Variants in FMN1 observed in about 807,000 individuals in gnomAD.
FMN1 encodes the protein formin-1.
FMN1 carries 110 observed loss-of-function variants against 132.4 expected under a neutral mutation model. That is an observed-to-expected ratio of 0.83 (90% CI 0.71 to 0.97). The LOEUF is 0.97. Ranked by LOEUF, FMN1 falls within the 50% of genes least tolerant of loss-of-function variation. The pLI is 0.00. For missense variants in FMN1, 1,792 were observed against 1,705.3 expected (o/e 1.05, Z -0.90); for synonymous variants, 722 against 651.7 (o/e 1.11, Z -1.64).
At chr15:32,810,380 A>C (rs1345553701) in intron 17 of FMN1, among the ~76,000 whole-genome samples, 1 of 152,216 alleles carries the variant, frequency 6.6e-6, no homozygotes, top group Non-Finnish European at 1.5e-5. Flanking sequence ...CTGAAAAGCA[A>C]GAGATTACTA....
At position 32,971,902 on chromosome 15, in the gene FMN1, G is replaced by A. The variant is rs77603737; in HGVS notation, c.2224-2425C>T. On this transcript the variant is annotated intron_variant, in intron 7 of 20. Coordinates refer to ENST00000616417, the MANE Select transcript of FMN1 (RefSeq NM_001277313.2). The stretch of plus-strand genomic sequence containing the variant: ...CTCTTCTTTCTACCACTCTGTCAAC[G>A]ATCTTCTAAATCTGTTGAAGCTGAC... Among the ~76,000 whole-genome samples the A allele has an allele frequency of 7.4e-3, 1,132 of 152,170 alleles. 11 individuals are homozygous for A. The highest frequency in any genetic ancestry group is 0.026 in the African/African-American group (1,069 of 41,512).
rs1162919845 is a variant in FMN1, at chr15:32,773,928, CA to C, written c.*381del. ...TGAACTCTCCCAAGGCAACTGTCCT[CA>C]ATGATCTTTTCTCTCTTCTGTGACA... On this transcript the variant is annotated 3_prime_UTR_variant, in exon 21 of 21. Coordinates refer to ENST00000616417, the MANE Select transcript of FMN1 (RefSeq NM_001277313.2). 1 of 236,486 alleles carries C rather than the reference CA, an allele frequency of 4.2e-6. No homozygotes were observed. Among genetic ancestry groups the C allele is most frequent in the Non-Finnish European group, 8.0e-6 (1 of 124,362 alleles). The allele number at this position is 236,486 out of a possible 1,614,324, so 14.6% of individuals were successfully genotyped here.
At chr15:32,993,412 A>C (rs1489222167) in intron 7 of FMN1, among the ~76,000 whole-genome samples, 2 of 152,174 alleles carry the variant, frequency 1.3e-5, no homozygotes, top group Non-Finnish European at 2.9e-5. Context: ...GTTTTAAAAC[A>C]AAACAAACAG....
At chr15:32,820,940 CAAG>C (rs1318540957) in intron 17 of FMN1, among the ~76,000 whole-genome samples, 11 of 152,020 alleles carry the variant, frequency 7.2e-5, no homozygotes, top group African/African-American at 2.2e-4. Flanking sequence ...AAATCATTTG[CAAG>C]AAGGTCTCGT....
chr15:33,095,270 C>T (rs1286828981), intron 4 of FMN1, among the ~76,000 whole-genome samples: 3 of 152,092 alleles, frequency 2.0e-5, no homozygotes, highest in Non-Finnish European at 2.9e-5. Context: ...ATTGCTTGAA[C>T]CCGGGAGGCA....
chr15:32,984,790 T>C (rs918413951), intron 7 of FMN1, among the ~76,000 whole-genome samples: 1 of 152,080 alleles, frequency 6.6e-6, no homozygotes, highest in African/African-American at 2.4e-5. Context: ...CCATATGTCA[T>C]GAGAATGTAA....
chr15:32,865,453 C>G (rs1008757089), intron 16 of FMN1, among the ~76,000 whole-genome samples: 2 of 152,134 alleles, frequency 1.3e-5, no homozygotes, highest in Non-Finnish European at 2.9e-5. Context: ...AACTAGGAAT[C>G]AAAAGTGGGA....
chr15:32,827,579 G>T (rs1408473945), intron 17 of FMN1, among the ~76,000 whole-genome samples: 1 of 152,206 alleles, frequency 6.6e-6, no homozygotes, highest in South Asian at 2.1e-4. Flanking sequence ...GGCCGGACGC[G>T]GTGGCTCATG....
rs202224266 is a variant in FMN1, at chr15:32,969,369, G to C, written c.2332C>G (p.Arg778Gly). Residue 778 changes from arginine (R) to glycine (G), a missense_variant, in exon 8 of 21, where the codon CGA (arginine) becomes GGA (glycine). Physicochemically the swap from Arg to Gly is moderately radical, Grantham distance 125 (BLOSUM62 -2). Transcript: ENST00000616417. The part of the protein sequence containing the change: ...NLKHELEHRW[R>G]GGCEERKDVC... ...TCTTTCCTCTCTTCACAACCCCCTCGCCATCTGTGTTCTAGCTCGTGTTTC... is the reference window on the plus strand; with the variant it reads ...TCTTTCCTCTCTTCACAACCCCCTCCCCATCTGTGTTCTAGCTCGTGTTTC... The C allele has an allele frequency of 1.9e-6, 3 of 1,613,726 alleles. No individual in the cohort carries two copies. The African/African-American group carries it at 4.0e-5, about 22-fold the overall frequency.
chr15:32,800,230 A>T (rs1205246215), intron 18 of FMN1, among the ~76,000 whole-genome samples: 1 of 152,234 alleles, frequency 6.6e-6, no homozygotes, highest in Non-Finnish European at 1.5e-5. Flanking sequence ...GCTTCTGTAA[A>T]GAATAAATCT....
chr15:33,124,969 G>A (rs1962912775), intron 4 of FMN1, among the ~76,000 whole-genome samples: 1 of 152,080 alleles, frequency 6.6e-6, no homozygotes, highest in African/African-American at 2.4e-5. Context: ...TGAAATCAGA[G>A]GCAATTCAAA....
intron 19 of FMN1, among the ~76,000 whole-genome samples, chr15:32,778,187 T>C (rs1204873545): frequency 1.8e-5 from 2 of 108,282 alleles, no homozygotes; most frequent in Non-Finnish European, 3.9e-5. Flanking sequence ...TTTATTTATA[T>C]ATTATATAAT....
intron 7 of FMN1, among the ~76,000 whole-genome samples, chr15:32,998,834 C>A (rs1458621641): frequency 1.3e-5 from 2 of 152,202 alleles, no homozygotes; most frequent in Non-Finnish European, 2.9e-5. Flanking sequence ...CCCCATGATA[C>A]AAATGAGCAA....
chr15:33,022,591 C>T (rs1488768562), intron 6 of FMN1, among the ~76,000 whole-genome samples: 1 of 152,128 alleles, frequency 6.6e-6, no homozygotes, highest in African/African-American at 2.4e-5. Context: ...TAACATAAAG[C>T]AAGTAAAAGA....
At chr15:32,952,344 CAG>C (rs1286461024) in intron 9 of FMN1, among the ~76,000 whole-genome samples, 1 of 151,988 alleles carries the variant, frequency 6.6e-6, no homozygotes, top group African/African-American at 2.4e-5. Context: ...TGATTATATA[CAG>C]AGTGATCTAT....
At chr15:32,975,089 TTATC>T (rs2140714342) in intron 7 of FMN1, among the ~76,000 whole-genome samples, 1 of 152,344 alleles carries the variant, frequency 6.6e-6, no homozygotes, top group Admixed American at 6.5e-5. Context: ...AGAGAACCTT[TTATC>T]CATTTTCGCC....
rs577924199 is a variant in FMN1, at chr15:33,001,189, A to T, written c.2223+6825T>A. On this transcript the variant is annotated intron_variant, in intron 7 of 20. Coordinates refer to ENST00000616417, the MANE Select transcript of FMN1 (RefSeq NM_001277313.2). Reference sequence around the variant, plus strand: ...TTCCAGCTACTCAAGAGGCTGAGGCAAGAGAACCGCTTAAATCTGGGAGGC... The same window carrying T: ...TTCCAGCTACTCAAGAGGCTGAGGCTAGAGAACCGCTTAAATCTGGGAGGC... Among the ~76,000 whole-genome samples, 27 of 152,344 alleles carry T rather than the reference A, an allele frequency of 1.8e-4. 1 individual carries two copies. In the South Asian group the frequency reaches 2.3e-3, roughly 13 times the overall value.
At chr15:32,788,841 A>T (rs2056968412) in intron 19 of FMN1, among the ~76,000 whole-genome samples, 1 of 152,222 alleles carries the variant, frequency 6.6e-6, no homozygotes, top group Admixed American at 6.5e-5. Flanking sequence ...TTCTAAACAA[A>T]CTGAAAGTAA....
At chr15:33,146,904 G>A (rs969437925) in intron 4 of FMN1, among the ~76,000 whole-genome samples, 21 of 152,230 alleles carry the variant, frequency 1.4e-4, no homozygotes, top group African/African-American at 4.6e-4. Context: ...AAAACAGGCC[G>A]TGGCTCACCC....
Sources: allele counts gnomAD v4.1 joint callset (sites outside exome capture counted in the v4.1 genomes callset), GRCh38; gene constraint gnomAD v4.1.1; transcripts MANE v1.5; gene names NCBI Gene and HGNC (gene_info 2026-07-23, HGNC 2026-07-21).